Variants in FBN2 observed in about 807,000 individuals in gnomAD.
FBN2 encodes fibrillin-2.
A neutral mutation model predicts 355.6 loss-of-function variants in FBN2; 105 were observed. That is an observed-to-expected ratio of 0.30 (90% CI 0.25 to 0.35). The LOEUF (loss-of-function observed/expected upper bound fraction) is 0.35. Ranked by LOEUF, FBN2 falls within the 10% of genes least tolerant of loss-of-function variation. The pLI is 1.00. For missense variants in FBN2, 3,280 were observed against 3,758.7 expected, an observed-to-expected ratio of 0.87 and a Z score of 3.33; for synonymous variants, 1,350 against 1,301.2, an observed-to-expected ratio of 1.04 and a Z score of -0.81.
intron 35 of FBN2, 56 bp downstream of exon 35, chr5:128,318,823 C>T: frequency 6.3e-7 from 1 of 1,583,474 alleles, no homozygotes; most frequent in Non-Finnish European, 8.7e-7. Flanking sequence ...TTATGCTTAG[C>T]ACAGAATACT....
chr5:128,393,371 A>G lies in FBN2; in HGVS notation c.1232-3T>C, dbSNP rs773950611. Reference sequence around the variant, plus strand: ...CATGCAAAGTCTGCGATATTCCTCTAGAAGAAAAGAAAGTTGGCATTAAGC... The same window carrying G: ...CATGCAAAGTCTGCGATATTCCTCTGGAAGAAAAGAAAGTTGGCATTAAGC... On this transcript the variant is annotated splice_polypyrimidine_tract_variant and splice_region_variant and intron_variant, in intron 9 of 64. Coordinates refer to ENST00000262464, the MANE Select transcript of FBN2 (RefSeq NM_001999.4). The G allele has an allele frequency of 6.2e-7, 1 of 1,613,320 alleles. No individual in the cohort carries two copies. The highest frequency in any genetic ancestry group is 1.1e-5 in the South Asian group (1 of 91,062).
chr5:128,349,830 G>T, intron 22 of FBN2, 125 bp downstream of exon 22: 1 of 777,166 alleles, frequency 1.3e-6, no homozygotes, highest in South Asian at 1.5e-5. Flanking sequence ...TGATTACATC[G>T]AGTATTTTTA....
At chr5:128,380,325 C>A (rs1752198382) in intron 11 of FBN2, among the ~76,000 whole-genome samples, 1 of 152,060 alleles carries the variant, frequency 6.6e-6, no homozygotes, top group African/African-American at 2.4e-5. Context: ...AATTGAAATG[C>A]AACAATTAAA....
chr5:128,414,564 G>A (rs912217647), intron 7 of FBN2, among the ~76,000 whole-genome samples: 4 of 151,588 alleles, frequency 2.6e-5, no homozygotes, highest in African/African-American at 9.7e-5. Flanking sequence ...TTTATTTTTT[G>A]GCTATTATAA....
At chr5:128,341,949 T>C (rs781041524) in intron 25 of FBN2, among the ~76,000 whole-genome samples, 7 of 152,232 alleles carry the variant, frequency 4.6e-5, no homozygotes, top group African/African-American at 9.6e-5. Flanking sequence ...GCTTCAATCC[T>C]GTTCAAAATT....
intron 5 of FBN2, among the ~76,000 whole-genome samples, chr5:128,496,787 AAT>A (rs1755666871): frequency 6.6e-6 from 1 of 151,726 alleles, no homozygotes; most frequent in Admixed American, 6.6e-5. Flanking sequence ...AAATATATTT[AAT>A]ATATAATACA....
chr5:128,537,478 C>T lies in FBN2; in HGVS notation c.126G>A (p.Pro42=), dbSNP rs771657289. Residue 42 remains proline (P), a synonymous_variant, in exon 1 of 65, where the codon CCG becomes CCA. Transcript: ENST00000262464. ...PPPPKPPRPQ[P]PPQQVRSATA... Reference sequence around the variant, plus strand: ...TAGCGGACCGAACCTGTTGCGGCGGCGGCTGGGGCCGGGGCGGCTTGGGCG... The same window carrying T: ...TAGCGGACCGAACCTGTTGCGGCGGTGGCTGGGGCCGGGGCGGCTTGGGCG... 9 of 1,596,872 alleles carry T rather than the reference C, an allele frequency of 5.6e-6. No individual in the cohort carries two copies. Among genetic ancestry groups the T allele is most frequent in the Non-Finnish European group, 7.7e-6 (9 of 1,173,718 alleles).
rs142416114 is a variant in FBN2 at position 128,484,242 on chromosome 5, C to T, written c.629-19321G>A. ...CATTAGATGAAGGATATTATTTTCA[C>T]GTACTTAGAAATTAAATATTTGCTT... On this transcript the variant is annotated intron_variant, in intron 5 of 64. Transcript: ENST00000262464. Among the ~76,000 whole-genome samples the T allele has an allele frequency of 5.7e-3, 867 of 152,162 alleles. 6 individuals are homozygous for T. The highest frequency in any genetic ancestry group is 7.6e-3 in the Non-Finnish European group (518 of 68,004).
chr5:128,515,163 C>T (rs1204295386), intron 5 of FBN2, among the ~76,000 whole-genome samples: 1 of 152,134 alleles, frequency 6.6e-6, no homozygotes, highest in Non-Finnish European at 1.5e-5. Context: ...CATCTTTACA[C>T]CTGCTCTTGG....
intron 7 of FBN2, among the ~76,000 whole-genome samples, chr5:128,433,676 T>G (rs1481207426): frequency 6.6e-6 from 1 of 152,198 alleles, no homozygotes; most frequent in East Asian, 1.9e-4. Context: ...AAAATTTAAT[T>G]TGATAGCATA....
chr5:128,306,019 T>C, intron 42 of FBN2, 71 bp from the exon 43 acceptor site: 5 of 1,398,842 alleles, frequency 3.6e-6, no homozygotes, highest in South Asian at 3.5e-5. Flanking sequence ...CTTTGAATAA[T>C]GCTACATGTA....
rs955278306 is a variant in FBN2 at position 128,527,954 on chromosome 5, A to G, written c.450T>C (p.Ser150=). Residue 150 remains serine, a synonymous_variant, in exon 4 of 65, where the codon AGT becomes AGC. Transcript: ENST00000262464. ...AGGTCCCACCATTCATGCATCTCACACTGCACTGCTGAACTGCAAAGAGCA... is the reference window on the plus strand; with the variant it reads ...AGGTCCCACCATTCATGCATCTCACGCTGCACTGCTGAACTGCAAAGAGCA... The part of the protein sequence containing the change: ...TCGSKSIQQC[S]VRCMNGGTCA... 1.2e-6 allele frequency: 2 copies of G among 1,610,934 alleles called. No homozygotes were observed. The highest frequency in any genetic ancestry group is 1.7e-6 in the Non-Finnish European group (2 of 1,177,456).
intron 5 of FBN2, among the ~76,000 whole-genome samples, chr5:128,507,256 A>G (rs1196607092): frequency 6.6e-6 from 1 of 152,080 alleles, no homozygotes; most frequent in East Asian, 1.9e-4. Context: ...TTTAATTGAT[A>G]CAGGGATATT....
chr5:128,287,272 A>G, intron 54 of FBN2, 36 bp downstream of exon 54: 3 of 1,611,532 alleles, frequency 1.9e-6, no homozygotes, highest in Non-Finnish European at 2.5e-6. Context: ...AGCATGACAA[A>G]TAAAGTTCGA....
chr5:128,312,099 A>G (rs186764411), intron 37 of FBN2, 146 bp from the exon 38 acceptor site: 179 of 658,988 alleles, frequency 2.7e-4, no homozygotes, highest in Non-Finnish European at 4.5e-4. Flanking sequence ...AAATACATTT[A>G]AAGTTACATA....
At chr5:128,500,888 CAGAA>C (rs1353930820) in intron 5 of FBN2, among the ~76,000 whole-genome samples, 1 of 152,024 alleles carries the variant, frequency 6.6e-6, no homozygotes, top group Non-Finnish European at 1.5e-5. Flanking sequence ...AATAAAAAAA[CAGAA>C]AGGCCCAGTC....
chr5:128,398,630 T>C, intron 8 of FBN2, among the ~76,000 whole-genome samples: 1 of 152,004 alleles, frequency 6.6e-6, no homozygotes, highest in Non-Finnish European at 1.5e-5. Context: ...ACAAAGACAC[T>C]GAAACGTTAA....
At chr5:128,471,519 T>G (rs1754859442) in intron 5 of FBN2, among the ~76,000 whole-genome samples, 1 of 152,124 alleles carries the variant, frequency 6.6e-6, no homozygotes, top group Non-Finnish European at 1.5e-5. Context: ...TAGAATTAAG[T>G]ACAAAAATGT....
intron 39 of FBN2, among the ~76,000 whole-genome samples, chr5:128,310,577 T>C (rs942428454): frequency 3.5e-5 from 5 of 143,122 alleles, no homozygotes; most frequent in Admixed American, 2.8e-4. Context: ...TCAGAGATTC[T>C]TAAAGCAGTG....
Sources: allele counts gnomAD v4.1 joint callset (sites outside exome capture counted in the v4.1 genomes callset), GRCh38; gene constraint gnomAD v4.1.1; transcripts MANE v1.5; gene names NCBI Gene and HGNC (gene_info 2026-07-23, HGNC 2026-07-21).